CNTNAP2: variants seen among roughly 807,000 people sequenced by gnomAD.
CNTNAP2 encodes the protein contactin-associated protein-like 2.
In CNTNAP2, 98 loss-of-function variants were observed where a neutral mutation model predicts 155.2. The ratio of observed to expected loss-of-function variants is 0.63; its 90% CI spans 0.54 to 0.75. The LOEUF is 0.75. Among genes scored for constraint, CNTNAP2 ranks in the 30% least tolerant of loss-of-function variants. CNTNAP2 has a pLI of 0.00. For missense variants in CNTNAP2, 1,727 were observed against 1,688.1 expected, an observed-to-expected ratio of 1.02 and a Z score of -0.40; for synonymous variants, 651 against 631.2, an observed-to-expected ratio of 1.03 and a Z score of -0.47.
At chr7:147,579,952 G>T (rs1800467544) in intron 12 of CNTNAP2, among the ~76,000 whole-genome samples, 1 of 152,096 alleles carries the variant, frequency 6.6e-6, no homozygotes, top group African/African-American at 2.4e-5. Context: ...ATTGTGACTA[G>T]TACAATTCAC....
At chr7:148,090,496 T>C (rs1457431980) in intron 15 of CNTNAP2, among the ~76,000 whole-genome samples, 1 of 152,060 alleles carries the variant, frequency 6.6e-6, no homozygotes, top group Admixed American at 6.6e-5. Flanking sequence ...CCAACAAATA[T>C]ATTTAAAAGG....
At chr7:147,800,960 G>T (rs1311752527) in intron 13 of CNTNAP2, among the ~76,000 whole-genome samples, 2 of 152,188 alleles carry the variant, frequency 1.3e-5, no homozygotes, top group Non-Finnish European at 2.9e-5. Flanking sequence ...TGAGTAGTAG[G>T]CTATCCCATC....
At chr7:147,688,506 C>T (rs534813190) in intron 13 of CNTNAP2, among the ~76,000 whole-genome samples, 2 of 152,272 alleles carry the variant, frequency 1.3e-5, no homozygotes, top group Non-Finnish European at 2.9e-5. Context: ...CCAGAACAGC[C>T]TATCAGGTCA....
chr7:146,783,391 C>T (rs1417473226), intron 2 of CNTNAP2, among the ~76,000 whole-genome samples: 1 of 152,180 alleles, frequency 6.6e-6, no homozygotes, highest in Non-Finnish European at 1.5e-5. Context: ...GAGTTTCCAT[C>T]TAACTGGTAT....
At chr7:147,848,340 G>A (rs572196164) in intron 13 of CNTNAP2, among the ~76,000 whole-genome samples, 30 of 150,590 alleles carry the variant, frequency 2.0e-4, no homozygotes, top group Middle Eastern at 3.5e-3. Context: ...GCAATATTCG[G>A]GTGGGAGTGA....
At chr7:147,508,121 C>T (rs1443029708) in intron 11 of CNTNAP2, among the ~76,000 whole-genome samples, 1 of 152,076 alleles carries the variant, frequency 6.6e-6, no homozygotes, top group African/African-American at 2.4e-5. Context: ...TTTTGCTGGG[C>T]CCATTAAATG....
chr7:147,269,541 C>A (rs1448216975), intron 8 of CNTNAP2, among the ~76,000 whole-genome samples: 1 of 152,118 alleles, frequency 6.6e-6, no homozygotes, highest in African/African-American at 2.4e-5. Context: ...ATATGCCGAG[C>A]ACATATGACA....
Position 148,125,597 on chromosome 7 carries a change from T to C in CNTNAP2, c.2554+7309T>C, listed in dbSNP as rs576933046. Among the ~76,000 whole-genome samples, 275 of 152,158 alleles carry C rather than the reference T, an allele frequency of 1.8e-3. 1 individual carries two copies. The highest frequency in any genetic ancestry group is 5.9e-3 in the African/African-American group (244 of 41,510). ...TTATTTATGGCTGTGTAGTATTCCA[T>C]GATGTATATGTACCACATTTTCTTT... On this transcript the variant is annotated intron_variant, in intron 16 of 23. Transcript: ENST00000361727.
chr7:146,290,729 T>C (rs1406247202), intron 1 of CNTNAP2, among the ~76,000 whole-genome samples: 2 of 152,226 alleles, frequency 1.3e-5, no homozygotes, highest in African/African-American at 2.4e-5. Flanking sequence ...TTAAACACTT[T>C]GAACATCATC....
At chr7:148,260,573 G>T (rs1796540514) in intron 20 of CNTNAP2, among the ~76,000 whole-genome samples, 1 of 152,184 alleles carries the variant, frequency 6.6e-6, no homozygotes, top group African/African-American at 2.4e-5. Flanking sequence ...GAGTCAAACG[G>T]GAGCTGGAAA....
intron 1 of CNTNAP2, among the ~76,000 whole-genome samples, chr7:146,171,070 T>C (rs975005801): frequency 1.3e-5 from 2 of 152,138 alleles, no homozygotes; most frequent in Non-Finnish European, 2.9e-5. Flanking sequence ...TTCATATGTG[T>C]GGATATTCAC....
intron 1 of CNTNAP2, among the ~76,000 whole-genome samples, chr7:146,266,613 GA>G (rs1799997919): frequency 6.6e-6 from 1 of 152,086 alleles, no homozygotes; most frequent in Non-Finnish European, 1.5e-5. Flanking sequence ...AGAGAAAAAA[GA>G]AAAGGATTTT....
intron 1 of CNTNAP2, among the ~76,000 whole-genome samples, chr7:146,420,978 C>A (rs903049834): frequency 6.6e-6 from 1 of 151,874 alleles, no homozygotes; most frequent in African/African-American, 2.4e-5. Context: ...GATAACATAT[C>A]CACTTTACTA....
intron 13 of CNTNAP2, among the ~76,000 whole-genome samples, chr7:147,772,434 T>G (rs1210752942): frequency 1.8e-5 from 2 of 109,702 alleles, no homozygotes; most frequent in African/African-American, 7.0e-5. Context: ...ATATATATTA[T>G]TCTCTCTCTC....
In CNTNAP2 at chr7:146,545,632, G is replaced by A. The variant is rs545616350; in HGVS notation, c.98-228639G>A. 3.9e-5 allele frequency among the ~76,000 whole-genome samples: 6 copies of A among 151,904 alleles called. No individual in the cohort carries two copies. In the South Asian group the frequency reaches 1.2e-3, roughly 31 times the overall value. ...CTGTGTTAGTTTGCTGAGAATGATG[G>A]TTGCCAGCTTCATCCATGTCCCTGT... On this transcript the variant is annotated intron_variant, in intron 1 of 23. Coordinates refer to ENST00000361727, the MANE Select transcript of CNTNAP2 (RefSeq NM_014141.6).
At chr7:147,575,936 A>T (rs1011633443) in intron 12 of CNTNAP2, among the ~76,000 whole-genome samples, 1 of 152,022 alleles carries the variant, frequency 6.6e-6, no homozygotes, top group East Asian at 1.9e-4. Flanking sequence ...AGATATTAAC[A>T]TTCTCTGTAA....
intron 13 of CNTNAP2, among the ~76,000 whole-genome samples, chr7:147,705,324 C>T (rs1796293721): frequency 1.3e-5 from 2 of 151,882 alleles, no homozygotes; most frequent in African/African-American, 4.9e-5. Flanking sequence ...CATTCAAGAG[C>T]ATGTTGGTTA....
chr7:148,294,576 A>G (rs952041595), intron 21 of CNTNAP2, among the ~76,000 whole-genome samples: 1 of 152,190 alleles, frequency 6.6e-6, no homozygotes, highest in African/African-American at 2.4e-5. Flanking sequence ...GATTAACTAT[A>G]ATAACTTTTA....
At chr7:147,643,086 ACCC>A (rs1795309939) in intron 13 of CNTNAP2, among the ~76,000 whole-genome samples, 1 of 152,082 alleles carries the variant, frequency 6.6e-6, no homozygotes, top group Admixed American at 6.6e-5. Context: ...TTTAACAAAC[ACCC>A]ATGGGTAATT....
Sources: allele counts gnomAD v4.1 joint callset (sites outside exome capture counted in the v4.1 genomes callset), GRCh38; gene constraint gnomAD v4.1.1; transcripts MANE v1.5; gene names NCBI Gene and HGNC (gene_info 2026-07-23, HGNC 2026-07-21).